Variants in ELMO1 observed in about 807,000 individuals in gnomAD.
ELMO1 encodes the protein engulfment and cell motility protein 1.
A neutral mutation model predicts 98.9 loss-of-function variants in ELMO1; 26 were observed. The observed-to-expected ratio is 0.26, with a 90% CI of 0.19 to 0.36. The LOEUF (loss-of-function observed/expected upper bound fraction) is 0.36. ELMO1 is among the 10% of genes least tolerant of loss of function. The probability of loss-of-function intolerance (pLI) is 1.00; values close to 1 mark genes in which losing one functional copy is unlikely to be tolerated. For missense variants in ELMO1, 627 were observed against 935.2 expected, an observed-to-expected ratio of 0.67 and a Z score of 4.30; for synonymous variants, 346 against 346.0, an observed-to-expected ratio of 1.00 and a Z score of 0.00.
At chr7:37,036,626 A>C (rs1367100876) in intron 15 of ELMO1, among the ~76,000 whole-genome samples, 2 of 152,082 alleles carry the variant, frequency 1.3e-5, no homozygotes, top group African/African-American at 4.8e-5. Context: ...TAATCCTCCC[A>C]ACTCAGATTC....
chr7:37,306,571 A>G (rs1054197226), intron 4 of ELMO1, among the ~76,000 whole-genome samples: 3 of 152,194 alleles, frequency 2.0e-5, no homozygotes, highest in Admixed American at 6.5e-5. Context: ...GTTCCACTGG[A>G]AAGTGTTTGA....
chr7:36,863,947 G>C (rs1315803211), intron 20 of ELMO1, among the ~76,000 whole-genome samples: 1 of 152,162 alleles, frequency 6.6e-6, no homozygotes, highest in Non-Finnish European at 1.5e-5. Context: ...AAAACTCTCT[G>C]ACTCATGCTT....
intron 4 of ELMO1, among the ~76,000 whole-genome samples, chr7:37,306,795 A>G (rs1330888200): frequency 3.3e-5 from 5 of 152,226 alleles, no homozygotes; most frequent in Non-Finnish European, 7.3e-5. Flanking sequence ...ATTGCATTGT[A>G]CACTTTACAT....
At chr7:37,096,256 GA>G (rs1341613504) in intron 15 of ELMO1, among the ~76,000 whole-genome samples, 16 of 151,984 alleles carry the variant, frequency 1.1e-4, no homozygotes, top group Admixed American at 3.9e-4. Flanking sequence ...TGCTTAGAAA[GA>G]AAAGAAAATG....
rs1562772591 is a variant in ELMO1, at chr7:36,855,564, T to C, written c.2171A>G (p.Tyr724Cys). ...GGCCCGGCCACTTCAGTTACAGTCA[T>C]AGACGAAGTCATAGTTGCTGGGCTC... ...PKEPSNYDFV[Y>C]DCN The change falls in exon 22 of 22, where the codon TAT becomes TGT. Residue 724 changes from tyrosine to cysteine, a missense_variant. Tyr to Cys is a radical substitution (Grantham distance 194). Coordinates refer to ENST00000310758, the MANE Select transcript of ELMO1 (RefSeq NM_014800.11). The surrounding 1 kb of genome is among the most constrained non-coding windows in gnomAD (Gnocchi z 4.2). The C allele has an allele frequency of 5.6e-6, 9 of 1,613,972 alleles. No homozygotes were observed. The highest frequency in any genetic ancestry group is 6.8e-6 in the Non-Finnish European group (8 of 1,179,994).
chr7:37,389,613 C>T (rs750040134), intron 1 of ELMO1, among the ~76,000 whole-genome samples: 4 of 152,130 alleles, frequency 2.6e-5, no homozygotes, highest in Non-Finnish European at 5.9e-5. Flanking sequence ...TTCCATCCTG[C>T]CACACTGTGG....
chr7:37,045,019 C>A (rs34490714), intron 15 of ELMO1, among the ~76,000 whole-genome samples: 1 of 152,124 alleles, frequency 6.6e-6, no homozygotes, highest in Admixed American at 6.5e-5. Context: ...ATTACTACGC[C>A]GGTATGAAGC....
chr7:37,277,530 T>C (rs923948662), intron 4 of ELMO1, among the ~76,000 whole-genome samples: 10 of 152,182 alleles, frequency 6.6e-5, no homozygotes, highest in Non-Finnish European at 2.9e-5. Context: ...TCTTCCACCA[T>C]TTAAGAAGAG....
At chr7:36,968,501 G>T (rs1413414130) in intron 16 of ELMO1, among the ~76,000 whole-genome samples, 2 of 152,120 alleles carry the variant, frequency 1.3e-5, no homozygotes, top group African/African-American at 2.4e-5. Context: ...AGGCATGCGT[G>T]TCTGGGTGTA....
chr7:36,911,885 G>A (rs1326785522), intron 16 of ELMO1, among the ~76,000 whole-genome samples: 2 of 152,042 alleles, frequency 1.3e-5, no homozygotes, highest in Non-Finnish European at 2.9e-5. Flanking sequence ...TCATTAATCA[G>A]TCCCCACATA....
intron 16 of ELMO1, among the ~76,000 whole-genome samples, chr7:36,896,376 C>T (rs1306812487): frequency 3.3e-5 from 5 of 152,114 alleles, no homozygotes; most frequent in Non-Finnish European, 5.9e-5. Context: ...TCTTGCCTTC[C>T]GTGAACTAAT....
At chr7:37,265,535 TC>T (rs1796193688) in intron 5 of ELMO1, among the ~76,000 whole-genome samples, 1 of 151,904 alleles carries the variant, frequency 6.6e-6, no homozygotes, top group African/African-American at 2.4e-5. Flanking sequence ...CCTCCTATTC[TC>T]CCCGCTCTCA....
chr7:37,295,610 G>A (rs1189667776), intron 4 of ELMO1, among the ~76,000 whole-genome samples: 4 of 152,134 alleles, frequency 2.6e-5, no homozygotes, highest in African/African-American at 9.7e-5. Context: ...CCTGCCAACA[G>A]TTACATTCTT....
At chr7:37,166,225 CTCT>C (rs1360291387) in intron 13 of ELMO1, among the ~76,000 whole-genome samples, 2 of 152,094 alleles carry the variant, frequency 1.3e-5, no homozygotes, top group African/African-American at 4.8e-5. Flanking sequence ...TGATTCTTCT[CTCT>C]TTTTTTCTTT....
chr7:36,938,255 C>T (rs986759296), intron 16 of ELMO1, among the ~76,000 whole-genome samples: 12 of 152,202 alleles, frequency 7.9e-5, no homozygotes, highest in African/African-American at 2.9e-4. Flanking sequence ...ATTATATACA[C>T]TGATGAAATA....
chr7:37,105,907 G>T (rs4723613), intron 14 of ELMO1, among the ~76,000 whole-genome samples: 1 of 152,018 alleles, frequency 6.6e-6, no homozygotes, highest in African/African-American at 2.4e-5. Flanking sequence ...GCGGGTATGG[G>T]GTTATTTCTG....
chr7:37,042,969 T>G (rs1368476581), intron 15 of ELMO1, among the ~76,000 whole-genome samples: 3 of 152,246 alleles, frequency 2.0e-5, no homozygotes, highest in African/African-American at 7.2e-5. Flanking sequence ...CCTATCTCCA[T>G]GCACTTGAAG....
intron 16 of ELMO1, among the ~76,000 whole-genome samples, chr7:36,987,514 C>A (rs1791598771): frequency 6.6e-6 from 1 of 152,154 alleles, no homozygotes; most frequent in Admixed American, 6.5e-5. Flanking sequence ...GGCATCATAA[C>A]AACCTCAAGG....
At chr7:36,881,961 C>G (rs975174959) in intron 18 of ELMO1, among the ~76,000 whole-genome samples, 1 of 152,182 alleles carries the variant, frequency 6.6e-6, no homozygotes, top group African/African-American at 2.4e-5. Context: ...TTCAATCATC[C>G]AGGCCCAAGA....
Sources: gnomAD v4.1 joint callset for allele counts (sites outside exome capture counted in the v4.1 genomes callset) on GRCh38, gnomAD v4.1.1 for gene constraint, Gnocchi (gnomAD v3.1) non-coding constraint, MANE v1.5 for transcripts, NCBI Gene and HGNC (gene_info 2026-07-23, HGNC 2026-07-21) for gene names.